The following SCTR variants were observed in gnomAD, a reference collection of about 807,000 sequenced individuals.
SCTR encodes the protein pancreatic secretin receptor.
Under a neutral mutation model 60.8 loss-of-function variants are expected in SCTR, and 56 were observed. That is an observed-to-expected ratio of 0.92 (90% CI 0.74 to 1.15). The LOEUF is 1.15. SCTR is among the 50% of genes most tolerant of loss of function. The pLI, the probability that SCTR is intolerant of heterozygous loss-of-function variation, is 0.00. For missense variants in SCTR, 562 were observed against 550.4 expected, an observed-to-expected ratio of 1.02 and a Z score of -0.21; for synonymous variants, 202 against 217.0, an observed-to-expected ratio of 0.93 and a Z score of 0.61.
chr2:119,460,955 T>A (rs1055863692), intron 7 of SCTR, among the ~76,000 whole-genome samples: 1 of 152,212 alleles, frequency 6.6e-6, no homozygotes, highest in Non-Finnish European at 1.5e-5. Context: ...GAATGCTGGA[T>A]GGAGTCTCTT....
At chr2:119,496,913 G>A (rs1678373130) in intron 1 of SCTR, among the ~76,000 whole-genome samples, 1 of 152,154 alleles carries the variant, frequency 6.6e-6, no homozygotes, top group Non-Finnish European at 1.5e-5. Context: ...GTGATGTTAG[G>A]AGGTGATACG....
intron 1 of SCTR, among the ~76,000 whole-genome samples, chr2:119,523,322 C>G (rs931825912): frequency 1.8e-4 from 27 of 151,604 alleles, no homozygotes; most frequent in Non-Finnish European, 2.9e-4. Context: ...TCAGAGATCC[C>G]GGAGCTCAGA....
intron 7 of SCTR, among the ~76,000 whole-genome samples, chr2:119,453,762 G>A (rs1683265106): frequency 6.6e-6 from 1 of 152,176 alleles, no homozygotes; most frequent in South Asian, 2.1e-4. Flanking sequence ...GAGAAGGGGT[G>A]GACACAGGTC....
At chr2:119,505,415 A>G (rs1678705643) in intron 1 of SCTR, among the ~76,000 whole-genome samples, 1 of 151,944 alleles carries the variant, frequency 6.6e-6, no homozygotes, top group African/African-American at 2.4e-5. Flanking sequence ...TGGCACATGT[A>G]TACATATGTA....
At chr2:119,486,297 C>T (rs1168629356) in intron 2 of SCTR, 1 of 151,770 alleles carries the variant, frequency 6.6e-6, no homozygotes, top group African/African-American at 2.4e-5. Context: ...GATGAAGAAC[C>T]CTTCCAGCCC....
chr2:119,486,829 C>T (rs975516772), intron 2 of SCTR: 14 of 152,288 alleles, frequency 9.2e-5, no homozygotes, highest in African/African-American at 3.1e-4. Context: ...GAGCCAAGAT[C>T]AGTGGTGCCA....
chr2:119,511,551 C>T (rs1678931183), intron 1 of SCTR, among the ~76,000 whole-genome samples: 1 of 152,076 alleles, frequency 6.6e-6, no homozygotes, highest in Admixed American at 6.6e-5. Flanking sequence ...CTAATTTTTC[C>T]AAGTGCTCCC....
chr2:119,481,663 C>G (rs1056278575), intron 2 of SCTR, among the ~76,000 whole-genome samples: 25 of 152,190 alleles, frequency 1.6e-4, no homozygotes, highest in Admixed American at 3.3e-4. Flanking sequence ...GTGTCTTCAC[C>G]TTGGTACCTG....
In SCTR at chr2:119,441,420, C is replaced by A. The variant is rs1682650129; in HGVS notation, c.1182+138G>T. The stretch of plus-strand genomic sequence containing the variant: ...CAGACTCCTAAAAGAACTGGCCAAG[C>A]CACCTGCCACCAGACCCAGGACTCC... On this transcript the variant is annotated intron_variant, in intron 12 of 12. Transcript: ENST00000019103. The A allele has an allele frequency of 1.2e-5, 8 of 682,668 alleles. No homozygotes were observed. The South Asian group carries it at 1.4e-4, about 12-fold the overall frequency. 42.3% of individuals were successfully genotyped at this position (682,668 alleles called of 1,614,324 possible).
chr2:119,454,642 T>C (rs991640377), intron 7 of SCTR, among the ~76,000 whole-genome samples: 1 of 151,964 alleles, frequency 6.6e-6, no homozygotes, highest in African/African-American at 2.4e-5. Context: ...TCACCCGAGG[T>C]CAGGAGTTCG....
At chr2:119,520,852 A>G (rs1172016384) in intron 1 of SCTR, among the ~76,000 whole-genome samples, 1 of 152,164 alleles carries the variant, frequency 6.6e-6, no homozygotes, top group Non-Finnish European at 1.5e-5. Context: ...TGTGAAATGA[A>G]TACCTATTGT....
chr2:119,495,837 G>A (rs778215993), intron 1 of SCTR, among the ~76,000 whole-genome samples: 9 of 152,152 alleles, frequency 5.9e-5, no homozygotes, highest in African/African-American at 1.4e-4. Context: ...AGTCATGGCC[G>A]GCTGTTGCAG....
intron 2 of SCTR, among the ~76,000 whole-genome samples, chr2:119,489,670 A>G (rs570002271): frequency 1.4e-4 from 21 of 152,298 alleles, no homozygotes; most frequent in African/African-American, 4.6e-4. Flanking sequence ...TTCAGAGGGA[A>G]GAAGATGGAG....
intron 3 of SCTR, among the ~76,000 whole-genome samples, chr2:119,474,258 G>A (rs938310804): frequency 5.3e-5 from 8 of 152,106 alleles, no homozygotes; most frequent in African/African-American, 1.2e-4. Flanking sequence ...TATCAAACGC[G>A]GGCTGGCTGG....
intron 7 of SCTR, among the ~76,000 whole-genome samples, chr2:119,453,806 T>C (rs190196949): frequency 1.1e-3 from 167 of 152,258 alleles, no homozygotes; most frequent in African/African-American, 3.7e-3. Flanking sequence ...CAAATATTGG[T>C]TTGTAAAAAG....
chr2:119,471,528 G>A (rs1339693644), intron 4 of SCTR, among the ~76,000 whole-genome samples: 1 of 152,204 alleles, frequency 6.6e-6, no homozygotes, highest in Non-Finnish European at 1.5e-5. Flanking sequence ...CCTCCACATA[G>A]AGCAAGGCTG....
At chr2:119,458,804 G>A (rs1464850811) in intron 7 of SCTR, among the ~76,000 whole-genome samples, 1 of 152,204 alleles carries the variant, frequency 6.6e-6, no homozygotes, top group African/African-American at 2.4e-5. Flanking sequence ...CAGAAATGCA[G>A]TCTCGGGCCA....
chr2:119,514,392 G>A (rs1679048557), intron 1 of SCTR, among the ~76,000 whole-genome samples: 1 of 152,160 alleles, frequency 6.6e-6, no homozygotes, highest in South Asian at 2.1e-4. Flanking sequence ...TGGAGGCTAT[G>A]GAGCATCCAT....
chr2:119,450,116 GAAGGAAGGA>G (rs1160764224), intron 9 of SCTR, among the ~76,000 whole-genome samples: 4 of 149,178 alleles, frequency 2.7e-5, no homozygotes, highest in African/African-American at 1.0e-4. Context: ...TGGAGGGAGG[GAAGGAAGGA>G]AAGGAAGGAA....
Sources: allele counts gnomAD v4.1 joint callset (sites outside exome capture counted in the v4.1 genomes callset), GRCh38; gene constraint gnomAD v4.1.1; transcripts MANE v1.5; gene names NCBI Gene and HGNC (gene_info 2026-07-23, HGNC 2026-07-21).